The following SLC9A3 variants were observed in gnomAD, a reference collection of about 807,000 sequenced individuals.
The protein encoded by SLC9A3 is solute carrier family 9 member A3.
SLC9A3 carries 37 observed loss-of-function variants against 86.8 expected under a neutral mutation model. The ratio of observed to expected loss-of-function variants is 0.43; its 90% confidence interval spans 0.33 to 0.56. The LOEUF (loss-of-function observed/expected upper bound fraction) is 0.56. Ranked by LOEUF, SLC9A3 falls within the 20% of genes least tolerant of loss-of-function variation. The pLI is 0.06. For missense variants in SLC9A3, 1,011 were observed against 1,171.9 expected, an observed-to-expected ratio of 0.86 and a Z score of 2.00; for synonymous variants, 581 against 528.3, an observed-to-expected ratio of 1.10 and a Z score of -1.37.
intron 16 of SLC9A3, among the ~76,000 whole-genome samples, chr5:473,671 C>G (rs1041413031): frequency 6.6e-6 from 1 of 152,176 alleles, no homozygotes; most frequent in Non-Finnish European, 1.5e-5. Flanking sequence ...CCCTGCAGCG[C>G]GGGAGGTCAA....
chr5:486,699 G>C (rs13165421), intron 3 of SLC9A3, among the ~76,000 whole-genome samples: 71,604 of 152,046 alleles, frequency 0.47, 17,493 homozygotes, highest in Middle Eastern at 0.59. Context: ...GTATGGCACA[G>C]TCAGGTCACC....
rs1325673029 is a variant in SLC9A3 at position 481,643 on chromosome 5, G to A, written c.1447-8C>T. On this transcript the variant is annotated splice_region_variant and splice_polypyrimidine_tract_variant and intron_variant, in intron 8 of 16. Transcript: ENST00000264938. ...GAGGATGTGGTCGAAAGCCTTTCAA[G>A]GGAAGAAAGACATGAGCGTCTCGGG... is the stretch of plus-strand genomic sequence containing the variant. 1 of 1,613,104 alleles carries A rather than the reference G, an allele frequency of 6.2e-7. No homozygotes were observed. The highest frequency in any genetic ancestry group is 1.3e-5 in the African/African-American group (1 of 75,030).
Position 473,165 on chromosome 5 carries a change from C to CCCCGCCCCCGGCGCAGG in SLC9A3, c.*213_*214insCCTGCGCCGGGGGCGGG. 2.3e-6 allele frequency: 1 copy of CCCCGCCCCCGGCGCAGG among 433,874 alleles called. No homozygotes were observed. The highest frequency in any genetic ancestry group is 3.6e-6 in the Non-Finnish European group (1 of 276,788). 26.9% of individuals were successfully genotyped at this position (433,874 alleles called of 1,614,324 possible). On this transcript the variant is annotated 3_prime_UTR_variant, in exon 17 of 17. Transcript: ENST00000264938. ...GCTCCGGCCCCGCCCCCGGCGCAGG[C>CCCCGCCCCCGGCGCAGG]CCCGCCCCCGGCTCGCCCTCGGGCG...
chr5:483,225 T>C, intron 6 of SLC9A3, 37 bp downstream of exon 6: 2 of 1,460,808 alleles, frequency 1.4e-6, no homozygotes, highest in South Asian at 2.4e-5. Flanking sequence ...TGCCGGCCCA[T>C]CGGTGGTCCC....
At position 473,127 on chromosome 5, in the gene SLC9A3, G is replaced by T. The variant is rs1371518217; in HGVS notation, c.*252C>A. 3 of 225,416 alleles carry T rather than the reference G, an allele frequency of 1.3e-5. No homozygotes were observed. The highest frequency in any genetic ancestry group is 1.5e-4 in the South Asian group (1 of 6,674). 14.0% of individuals were successfully genotyped at this position (225,416 alleles called of 1,614,324 possible). ...CGCCGCCGAACGCGCGTGCGCACTC[G>T]GCAGCCCTCGGCGCTCCGGCCCCGC... On this transcript the variant is annotated 3_prime_UTR_variant, in exon 17 of 17. Transcript: ENST00000264938.
At chr5:514,236 G>A (rs12109483) in intron 1 of SLC9A3, among the ~76,000 whole-genome samples, 219 of 152,310 alleles carry the variant, frequency 1.4e-3, no homozygotes, top group African/African-American at 5.1e-3. Flanking sequence ...TCGGGGAGGC[G>A]TGCTCAGGCA....
chr5:502,498 A>G (rs891494040), intron 1 of SLC9A3, among the ~76,000 whole-genome samples: 3 of 152,196 alleles, frequency 2.0e-5, no homozygotes, highest in African/African-American at 7.2e-5. Flanking sequence ...CCGGCAAGAC[A>G]CCGGTCGCAA....
At chr5:486,757 G>A (rs991180169) in intron 3 of SLC9A3, among the ~76,000 whole-genome samples, 3 of 152,196 alleles carry the variant, frequency 2.0e-5, no homozygotes, top group Non-Finnish European at 2.9e-5. Flanking sequence ...GAGAGGAGGC[G>A]ACTCGGGCAC....
chr5:475,485 T>C, intron 15 of SLC9A3, 76 bp downstream of exon 15: 1 of 868,010 alleles, frequency 1.2e-6, no homozygotes, highest in South Asian at 1.5e-5. Context: ...GTGCCCCTGG[T>C]CCAATGACCG....
chr5:517,553 T>C (rs921806203), intron 1 of SLC9A3, among the ~76,000 whole-genome samples: 2 of 149,414 alleles, frequency 1.3e-5, no homozygotes, highest in African/African-American at 2.5e-5. Flanking sequence ...CATCCATCCA[T>C]TCACCCATCC....
At chr5:480,075 G>A (rs1739064419) in intron 9 of SLC9A3, 110 bp from the exon 10 acceptor site, 8 of 1,256,952 alleles carry the variant, frequency 6.4e-6, no homozygotes, top group African/African-American at 4.5e-5. Context: ...TAGTGACCCT[G>A]TAGGCGCGTT....
chr5:501,090 G>A (rs1003463081), intron 1 of SLC9A3, among the ~76,000 whole-genome samples: 10 of 152,198 alleles, frequency 6.6e-5, no homozygotes, highest in African/African-American at 2.4e-4. Context: ...TGATGGTTAC[G>A]ACAGGGGACA....
intron 1 of SLC9A3, among the ~76,000 whole-genome samples, chr5:509,835 G>A (rs2126649864): frequency 6.6e-6 from 1 of 152,324 alleles, no homozygotes; most frequent in South Asian, 2.1e-4. Context: ...AGCTGGCACA[G>A]GGCCTGATGA....
intron 1 of SLC9A3, among the ~76,000 whole-genome samples, chr5:522,364 C>T (rs187994258): frequency 7.2e-5 from 11 of 152,330 alleles, no homozygotes; most frequent in African/African-American, 2.4e-4. Context: ...GGCTCCCAGG[C>T]GGGGCTGGCT....
intron 7 of SLC9A3, among the ~76,000 whole-genome samples, 170 bp downstream of exon 7, chr5:482,378 T>C (rs1739245873): frequency 6.6e-6 from 1 of 152,164 alleles, no homozygotes; most frequent in African/African-American, 2.4e-5. Flanking sequence ...AGGACAATTA[T>C]GCTTCCTCCC....
At chr5:477,697 G>C (rs1393066846) in intron 10 of SLC9A3, 6 of 462,506 alleles carry the variant, frequency 1.3e-5, no homozygotes, top group Non-Finnish European at 2.3e-5. Context: ...ATGCTTGTGG[G>C]AGGACACAGT....
At chr5:493,111 A>G (rs1284805364) in intron 1 of SLC9A3, among the ~76,000 whole-genome samples, 1 of 108,398 alleles carries the variant, frequency 9.2e-6, no homozygotes, top group Non-Finnish European at 2.3e-5. Flanking sequence ...TTTTAGTTGG[A>G]CTCAGAAAAA....
intron 1 of SLC9A3, among the ~76,000 whole-genome samples, chr5:514,676 C>T (rs1212697290): frequency 2.6e-5 from 4 of 152,224 alleles, no homozygotes; most frequent in South Asian, 4.1e-4. Flanking sequence ...GGACGGAGCC[C>T]GCAGTAGCTG....
intron 9 of SLC9A3, chr5:480,256 C>A: frequency 3.0e-6 from 1 of 335,242 alleles, no homozygotes; most frequent in Non-Finnish European, 5.5e-6. Context: ...GCTTTGGCCA[C>A]ATGGGGGGCA....
Sources: gnomAD v4.1 joint callset for allele counts (sites outside exome capture counted in the v4.1 genomes callset) on GRCh38, gnomAD v4.1.1 for gene constraint, MANE v1.5 for transcripts, NCBI Gene and HGNC (gene_info 2026-07-23, HGNC 2026-07-21) for gene names.